Variants in LIMS2 observed in about 807,000 individuals in gnomAD.
LIMS2 encodes LIM zinc finger domain containing 2.
LIMS2 carries 30 observed loss-of-function variants against 45.3 expected under a neutral mutation model. The observed-to-expected ratio is 0.66, with a 90% CI of 0.50 to 0.90. The LOEUF (loss-of-function observed/expected upper bound fraction) is 0.90, where lower values mean the gene tolerates loss of function less well. Ranked by LOEUF, LIMS2 falls within the 40% of genes least tolerant of loss-of-function variation. The probability of loss-of-function intolerance (pLI) is 0.00; values close to 1 mark genes in which losing one functional copy is unlikely to be tolerated. For missense variants in LIMS2, 485 were observed against 468.7 expected, an observed-to-expected ratio of 1.03 and a Z score of -0.32; for synonymous variants, 173 against 188.0, an observed-to-expected ratio of 0.92 and a Z score of 0.65.
At chr2:127,641,998 G>A in intron 6 of LIMS2, 51 bp downstream of exon 6, 2 of 1,588,750 alleles carry the variant, frequency 1.3e-6, no homozygotes, top group South Asian at 1.1e-5. Context: ...CCATGACCCT[G>A]AGCTGGGGCA....
intron 7 of LIMS2, 47 bp downstream of exon 7, chr2:127,640,849 G>A: frequency 6.4e-7 from 1 of 1,556,724 alleles, no homozygotes; most frequent in South Asian, 1.1e-5. Context: ...AGCTCTCCTG[G>A]CCACCCCTCC....
Position 127,653,003 on chromosome 2 carries a change from C to A in LIMS2, c.359+1421G>T, listed in dbSNP as rs1269137899. Among the ~76,000 whole-genome samples the A allele has an allele frequency of 1.3e-5, 2 of 152,256 alleles. No individual in the cohort carries two copies. Among genetic ancestry groups the A allele is most frequent in the Non-Finnish European group, 2.9e-5 (2 of 68,048 alleles). ...GGAGATTGGGCTCGCTCCACACACCCTGTCGGCGACGTTGCTGGTCAGCAC... is the reference window on the plus strand; with the variant it reads ...GGAGATTGGGCTCGCTCCACACACCATGTCGGCGACGTTGCTGGTCAGCAC... On this transcript the variant is annotated intron_variant, in intron 4 of 9. Transcript: ENST00000355119. This position sits in a 1 kb window ranked among gnomAD's most constrained non-coding sequence, Gnocchi z 5.3.
At position 127,647,611 on chromosome 2, in the gene LIMS2, C is replaced by T. The variant is rs961799390; in HGVS notation, c.360-4539G>A. On this transcript the variant is annotated intron_variant, in intron 4 of 9. Transcript: ENST00000355119. The surrounding 1 kb of genome is among the most constrained non-coding windows in gnomAD (Gnocchi z 4.3). ...TGGAGGGCACCCACCTTGGCCCCTTCCCACCCCCAGGTTCTAACAAGGGCC... is the reference window on the plus strand; with the variant it reads ...TGGAGGGCACCCACCTTGGCCCCTTTCCACCCCCAGGTTCTAACAAGGGCC... Among the ~76,000 whole-genome samples the T allele has an allele frequency of 2.0e-5, 3 of 152,068 alleles. No individual in the cohort carries two copies. The highest frequency in any genetic ancestry group is 2.9e-5 in the Non-Finnish European group (2 of 67,984).
chr2:127,641,219 G>T (rs1682370046), intron 6 of LIMS2: 1 of 511,414 alleles, frequency 2.0e-6, no homozygotes, highest in African/African-American at 1.9e-5. Context: ...AATGCCCTGG[G>T]GTCAGCAGAC....
In LIMS2 at chr2:127,672,852, G is replaced by A. The variant is rs372379294; in HGVS notation, c.11+2162C>T. Among the ~76,000 whole-genome samples the A allele has an allele frequency of 5.3e-5, 8 of 152,212 alleles. No homozygotes were observed. The highest frequency in any genetic ancestry group is 1.9e-4 in the African/African-American group (8 of 41,450). ...GCAGGGAGAAGCCCTGAAGGTATGCGAGCAGAGAGGGTGTTTCCCAAAAGC... is the reference window on the plus strand; with the variant it reads ...GCAGGGAGAAGCCCTGAAGGTATGCAAGCAGAGAGGGTGTTTCCCAAAAGC... On this transcript the variant is annotated intron_variant, in intron 1 of 9. Coordinates refer to ENST00000355119, the MANE Select transcript of LIMS2 (RefSeq NM_001161403.3). This position sits in a 1 kb window ranked among gnomAD's most constrained non-coding sequence, Gnocchi z 4.9.
rs575240924 is a variant in LIMS2 at position 127,659,116 on chromosome 2, C to A, written c.12-1554G>T. On this transcript the variant is annotated intron_variant, in intron 1 of 9. Coordinates refer to ENST00000355119, the MANE Select transcript of LIMS2 (RefSeq NM_001161403.3). ...TGTGGGCGGAGGGTCTCACAGGAGG[C>A]TGCTGCGAAATGGAGATGGACTGGA... Among the ~76,000 whole-genome samples, 5 of 152,256 alleles carry A rather than the reference C, an allele frequency of 3.3e-5. No homozygotes were observed. In the South Asian group the frequency reaches 1.0e-3, roughly 32 times the overall value.
At position 127,647,912 on chromosome 2, in the gene LIMS2, C is replaced by T. The variant is rs1683178402; in HGVS notation, c.360-4840G>A. The T allele has an allele frequency of 1.6e-6, 1 of 633,002 alleles. No individual in the cohort carries two copies. The highest frequency in any genetic ancestry group is 6.9e-5 in the South Asian group (1 of 14,430). 39.2% of individuals were successfully genotyped at this position (633,002 alleles called of 1,614,324 possible). A position where few individuals can be genotyped will look rare whatever the true frequency, so the allele number is the denominator to read the frequency against. Reference sequence around the variant, plus strand: ...ACCTGCTCCCTGTTCTCCCCTGCCTCACAGGCCCTGTCAAGGGCTGTGTTC... The same window carrying T: ...ACCTGCTCCCTGTTCTCCCCTGCCTTACAGGCCCTGTCAAGGGCTGTGTTC... On this transcript the variant is annotated intron_variant, in intron 4 of 9. Coordinates refer to ENST00000355119, the MANE Select transcript of LIMS2 (RefSeq NM_001161403.3). The surrounding 1 kb of genome is among the most constrained non-coding windows in gnomAD (Gnocchi z 4.3).
chr2:127,673,048 C>T (rs1685338205), intron 1 of LIMS2, among the ~76,000 whole-genome samples: 1 of 152,214 alleles, frequency 6.6e-6, no homozygotes, highest in Admixed American at 6.5e-5. Flanking sequence ...ACTCCGAAGG[C>T]CGGGTTGGAT....
Position 127,642,904 on chromosome 2 carries a change from G to A in LIMS2, c.509+19C>T. The A allele has an allele frequency of 6.4e-7, 1 of 1,553,486 alleles. No individual in the cohort carries two copies. Among genetic ancestry groups the A allele is most frequent in the Non-Finnish European group, 8.7e-7 (1 of 1,148,202 alleles). ...TGGCTCCCCGCCCCCACAACTGCAG[G>A]GCCGGGCTGCGCACCTACCCACAGT... On this transcript the variant is annotated intron_variant, in intron 5 of 9. Coordinates refer to ENST00000355119, the MANE Select transcript of LIMS2 (RefSeq NM_001161403.3). The surrounding 1 kb of genome is among the most constrained non-coding windows in gnomAD (Gnocchi z 5.3).
At position 127,640,901 on chromosome 2, in the gene LIMS2, TG is replaced by T; in HGVS notation, c.747del (p.Tyr249Ter). On this transcript the variant is annotated frameshift_variant, in exon 7 of 10. Coordinates refer to ENST00000355119, the MANE Select transcript of LIMS2 (RefSeq NM_001161403.3). LOFTEE classifies it high-confidence loss of function. ...KKGLAYCETH[Y>X]NQLFGDVCYN... Reference sequence around the variant, plus strand: ...AGGTTCTGCACCGGGCTCACCTGGTTGTAGTGAGTCTCGCAGTAGGCCAGGC... The same window carrying T: ...AGGTTCTGCACCGGGCTCACCTGGTTTAGTGAGTCTCGCAGTAGGCCAGGC... 1 of 1,613,332 alleles carries T rather than the reference TG, an allele frequency of 6.2e-7. No individual in the cohort carries two copies. The highest frequency in any genetic ancestry group is 8.5e-7 in the Non-Finnish European group (1 of 1,179,614).
intron 2 of LIMS2, chr2:127,655,167 G>A: frequency 3.6e-6 from 2 of 563,148 alleles, no homozygotes; most frequent in East Asian, 3.0e-5. Flanking sequence ...CTGAGGATCT[G>A]GACCCTGTTG....
At chr2:127,677,548 TG>T (rs1685530341), upstream of LIMS2, among the ~76,000 whole-genome samples, 1 of 151,772 alleles carries the variant, frequency 6.6e-6, no homozygotes, top group Non-Finnish European at 1.5e-5. This position sits in a 1 kb window ranked among gnomAD's most constrained non-coding sequence, Gnocchi z 5.0. Context: ...GACATGAGCT[TG>T]GGGTACGCAA....
Position 127,664,605 on chromosome 2 carries a change from C to T in LIMS2, c.12-7043G>A, listed in dbSNP as rs1684902683. 8.9e-7 allele frequency: 1 copy of T among 1,119,688 alleles called. No individual in the cohort carries two copies. The highest frequency in any genetic ancestry group is 1.1e-6 in the Non-Finnish European group (1 of 917,076). The allele number at this position is 1,119,688 out of a possible 1,614,324, so 69.4% of individuals were successfully genotyped here. On this transcript the variant is annotated intron_variant, in intron 1 of 9. Transcript: ENST00000355119. This position sits in a 1 kb window ranked among gnomAD's most constrained non-coding sequence, Gnocchi z 5.5. ...CAAATAGAAAGGATATTGTTCGCGC[C>T]GCGGGGGCAGCTCCTGAAAGCTGAG...
At chr2:127,644,120 T>A (rs74340262) in intron 4 of LIMS2, 13,532 of 456,432 alleles carry the variant, frequency 0.03, 263 homozygotes, top group Non-Finnish European at 0.039. Context: ...GTGCTCCATC[T>A]GCCCTGGGGT....
At chr2:127,640,584 G>C (rs1392067998) in intron 7 of LIMS2, 2 of 601,010 alleles carry the variant, frequency 3.3e-6, no homozygotes, top group Non-Finnish European at 5.9e-6. Context: ...GGCCCAGGTG[G>C]TGACTGCATC....
chr2:127,641,091 C>T (rs1289890358), intron 6 of LIMS2, 103 bp from the exon 7 acceptor site: 1 of 858,506 alleles, frequency 1.2e-6, no homozygotes, highest in Non-Finnish European at 1.9e-6. Flanking sequence ...GCCAGTGACT[C>T]CAGGGGACCA....
chr2:127,652,828 C>T (rs1388789816), intron 4 of LIMS2, among the ~76,000 whole-genome samples: 1 of 152,210 alleles, frequency 6.6e-6, no homozygotes, highest in Non-Finnish European at 1.5e-5. Context: ...AGTAGGGGCC[C>T]TCATTCCTCA....
intron 3 of LIMS2, 50 bp downstream of exon 3, chr2:127,654,773 CCGCCACT>C: frequency 6.3e-7 from 1 of 1,582,424 alleles, no homozygotes; most frequent in Non-Finnish European, 8.7e-7. Context: ...CCCCTGCCCC[CCGCCACT>C]GCTGCCCACT....
intron 4 of LIMS2, among the ~76,000 whole-genome samples, chr2:127,648,656 C>T (rs760798050): frequency 2.6e-5 from 4 of 152,078 alleles, no homozygotes; most frequent in Admixed American, 1.3e-4. Context: ...AATCCCAGCA[C>T]TTTGGGAGGC....
Sources: allele counts gnomAD v4.1 joint callset (sites outside exome capture counted in the v4.1 genomes callset), GRCh38; gene constraint gnomAD v4.1.1; non-coding constraint Gnocchi (gnomAD v3.1); transcripts MANE v1.5; gene names NCBI Gene and HGNC (gene_info 2026-07-23, HGNC 2026-07-21).